The following CCDC78 variants were observed in gnomAD, a reference collection of about 807,000 sequenced individuals.
CCDC78 encodes coiled-coil domain containing 78, also known as coiled-coil domain-containing protein 78.
A neutral mutation model predicts 61.9 loss-of-function variants in CCDC78; 78 were observed. The observed-to-expected ratio is 1.26, with a 90% CI of 1.05 to 1.52. The LOEUF is 1.52. CCDC78 is among the 40% of genes most tolerant of loss of function. The pLI is 0.00. For missense variants in CCDC78, 737 were observed against 615.5 expected (o/e 1.20, Z -2.09); for synonymous variants, 287 against 251.9 (o/e 1.14, Z -1.32).
chr16:724,036 G>C, intron 10 of CCDC78, 70 bp downstream of exon 10: 1 of 1,559,240 alleles, frequency 6.4e-7, no homozygotes, highest in Non-Finnish European at 8.7e-7. Flanking sequence ...ATGAGGCCTG[G>C]GGCCAGTGTG....
At chr16:726,187 T>C (rs2151576985) in intron 1 of CCDC78, 102 bp from the exon 2 acceptor site, 1 of 1,550,228 alleles carries the variant, frequency 6.5e-7, no homozygotes, top group Non-Finnish European at 8.7e-7. Flanking sequence ...GGCTGAGCTG[T>C]AAAAGTCCCT....
In CCDC78 at chr16:722,612, G is replaced by T. The variant is rs2040302392; in HGVS notation, c.*66C>A. 1.3e-6 allele frequency: 2 copies of T among 1,588,492 alleles called. No homozygotes were observed. The highest frequency in any genetic ancestry group is 2.7e-5 in the African/African-American group (2 of 74,534). On this transcript the variant is annotated 3_prime_UTR_variant, in exon 14 of 14. Transcript: ENST00000345165. ...TCTATCCTGACTCATGTTTTATGGGGGGCTGGGTGGGAGGGTTCTGTGCTG... is the reference window on the plus strand; with the variant it reads ...TCTATCCTGACTCATGTTTTATGGGTGGCTGGGTGGGAGGGTTCTGTGCTG...
In CCDC78 at chr16:723,178, A is replaced by G; in HGVS notation, c.1134-17T>C. ...TCCAGGCCCCTGTGAGGGGAGAGGA[A>G]AGGAGGAGTGGTTTTGAGAGCTGGC... is the stretch of plus-strand genomic sequence containing the variant. On this transcript the variant is annotated splice_polypyrimidine_tract_variant and intron_variant, in intron 11 of 13. Transcript: ENST00000345165. The G allele has an allele frequency of 6.2e-7, 1 of 1,611,972 alleles. No homozygotes were observed. The highest frequency in any genetic ancestry group is 8.5e-7 in the Non-Finnish European group (1 of 1,179,726).
rs1006891646 is a variant in CCDC78, at chr16:726,086, C to T, written c.61-1G>A. The T allele has an allele frequency of 7.1e-6, 11 of 1,548,934 alleles. No individual in the cohort carries two copies. The highest frequency in any genetic ancestry group is 2.7e-5 in the African/African-American group (2 of 73,020). ...GCCAGTCCTTGGCTCGTAGCACAAC[C>T]TGGGGAGGTACCGCCACCCATTCCC... On this transcript the variant is annotated splice_acceptor_variant, in intron 1 of 13. Transcript: ENST00000345165. LOFTEE classifies it high-confidence loss of function.
intron 4 of CCDC78, 59 bp downstream of exon 4, chr16:725,354 C>T (rs1301307839): frequency 2.5e-6 from 4 of 1,611,416 alleles, no homozygotes; most frequent in Middle Eastern, 1.6e-4. Flanking sequence ...TCACTGAGGC[C>T]CCTGCTGAGG....
In CCDC78 at chr16:725,855, T is replaced by C; in HGVS notation, c.206A>G (p.Gln69Arg). ...LQISKELVDIQITTHHLHEQH... is the reference protein window; with the variant it reads ...LQISKELVDIRITTHHLHEQH... ...CTCATGTAGGTGGTGGGTTGTGATC[T>C]GAATGTCGACCAGCTCCTTGGAGAT... Residue 69 changes from glutamine to arginine, a missense_variant, in exon 3 of 14, where the codon CAG becomes CGG. Coordinates refer to ENST00000345165, the MANE Select transcript of CCDC78 (RefSeq NM_001378030.1). The C allele has an allele frequency of 6.2e-7, 1 of 1,611,444 alleles. No individual in the cohort carries two copies.
upstream of CCDC78, chr16:726,732 T>C (rs1483113436): frequency 2.5e-6 from 1 of 399,224 alleles, no homozygotes; most frequent in African/African-American, 2.1e-5. Context: ...CTGGACACCT[T>C]CTGTGTACCT....
upstream of CCDC78, chr16:726,603 C>G: frequency 1.7e-6 from 1 of 591,314 alleles, no homozygotes; most frequent in South Asian, 2.3e-5. Flanking sequence ...GCCCAGCGCC[C>G]CCTGCACATA....
At position 723,313 on chromosome 16, in the gene CCDC78, G is replaced by GT. The variant is rs1555484211; in HGVS notation, c.1134-153_1134-152insA. On this transcript the variant is annotated intron_variant, in intron 11 of 13. Transcript: ENST00000345165. ...TGGGCCCCCCCCGTGCTCCTGTGGC[G>GT]CCCCCCCCAGGCCTTGGAGCCATCC... 2.1e-4 allele frequency: 166 copies of GT among 804,294 alleles called. No individual in the cohort carries two copies. In the African/African-American group the frequency reaches 2.5e-3, roughly 12 times the overall value. 49.8% of individuals were successfully genotyped at this position (804,294 alleles called of 1,614,324 possible).
chr16:724,852 G>A (rs549481636), intron 7 of CCDC78, 46 bp from the exon 8 acceptor site: 43 of 1,607,744 alleles, frequency 2.7e-5, no homozygotes, highest in Non-Finnish European at 3.1e-5. Context: ...AGTGGACCCC[G>A]GCTGAGCTTC....
rs771582682 is a variant in CCDC78, at chr16:724,374, TGTG to T, written c.898_900del (p.His300del). 32 of 1,612,146 alleles carry T rather than the reference TGTG, an allele frequency of 2.0e-5. No homozygotes were observed. Among genetic ancestry groups the T allele is most frequent in the East Asian group, 1.1e-4 (5 of 44,890 alleles). ...CTGCGGCTCAGATCCACCAGCCTCT[TGTG>T]GTAGCTGCGGGCAGCCCGGGCCAGC... On this transcript the variant is annotated inframe_deletion, in exon 9 of 14. Transcript: ENST00000345165.
rs755503126 is a variant in CCDC78 at position 723,656 on chromosome 16, C to T, written c.1133+201G>A. The T allele has an allele frequency of 2.9e-5, 20 of 701,606 alleles. 2 individuals are homozygous for T. In the Middle Eastern group the frequency reaches 2.1e-3, roughly 72 times the overall value. The allele number at this position is 701,606 out of a possible 1,614,324, so 43.5% of individuals were successfully genotyped here. On this transcript the variant is annotated intron_variant, in intron 11 of 13. Coordinates refer to ENST00000345165, the MANE Select transcript of CCDC78 (RefSeq NM_001378030.1). The stretch of plus-strand genomic sequence containing the variant: ...CAAGGCCAGCTCCACCTGCAGCAGC[C>T]CCTCTTCTCTTTCCTGTGATTATCA...
intron 1 of CCDC78, 25 bp downstream of exon 1, chr16:726,283 G>A (rs2040932597): frequency 1.9e-6 from 3 of 1,549,342 alleles, no homozygotes; most frequent in East Asian, 2.4e-5. Flanking sequence ...CCCATGGCAG[G>A]AGCGGCAAGT....
intron 13 of CCDC78, 22 bp from the exon 14 acceptor site, chr16:722,811 A>T: frequency 1.2e-6 from 2 of 1,612,136 alleles, no homozygotes; most frequent in Non-Finnish European, 1.7e-6. Context: ...AACCATGCTT[A>T]AGTGACTTGC....
chr16:723,313 GC>G (rs548208034), intron 11 of CCDC78, 152 bp from the exon 12 acceptor site: 23 of 804,134 alleles, frequency 2.9e-5, no homozygotes, highest in Middle Eastern at 2.2e-4. Context: ...CTCCTGTGGC[GC>G]CCCCCCCAGG....
In CCDC78 at chr16:726,085, C is replaced by T. The variant is rs757617074; in HGVS notation, c.61G>A (p.Val21Ile). The T allele has an allele frequency of 3.9e-6, 6 of 1,548,914 alleles. No individual in the cohort carries two copies. In the African/African-American group the frequency reaches 5.5e-5, roughly 14 times the overall value. ...PGPPSRRVEN[V>I]VLRAKDWLPG... ...AGCCAGTCCTTGGCTCGTAGCACAA[C>T]CTGGGGAGGTACCGCCACCCATTCC... Residue 21 changes from valine to isoleucine, a missense_variant and splice_region_variant, in exon 2 of 14, where the codon GTT (valine) becomes ATT (isoleucine). Transcript: ENST00000345165.
chr16:723,785 G>T (rs995716577), intron 11 of CCDC78, 72 bp downstream of exon 11: 7 of 1,429,950 alleles, frequency 4.9e-6, no homozygotes, highest in Non-Finnish European at 5.8e-6. Context: ...GCAACTGGGG[G>T]CCCCAGGGTG....
chr16:723,894 G>C lies in CCDC78; in HGVS notation c.1096C>G (p.Pro366Ala). Reference sequence around the variant, plus strand: ...GTTCCCCCCTGGGAGGCTCCACCGGGTCTCTTTTTTGGGGATGAGAGCAGT... The same window carrying C: ...GTTCCCCCCTGGGAGGCTCCACCGGCTCTCTTTTTTGGGGATGAGAGCAGT... ...GALLSSPKKRPGGASQGGTSE... is the reference protein window; with the variant it reads ...GALLSSPKKRAGGASQGGTSE... Residue 366 changes from proline to alanine, a missense_variant, in exon 11 of 14, where the codon CCC (proline) becomes GCC (alanine). Transcript: ENST00000345165. 2 of 1,600,466 alleles carry C rather than the reference G, an allele frequency of 1.2e-6. No individual in the cohort carries two copies. Among genetic ancestry groups the C allele is most frequent in the Non-Finnish European group, 1.7e-6 (2 of 1,173,794 alleles).
chr16:723,117 C>T lies in CCDC78; in HGVS notation c.1178G>A (p.Arg393Gln), dbSNP rs376513788. 63 of 1,612,590 alleles carry T rather than the reference C, an allele frequency of 3.9e-5. No individual in the cohort carries two copies. In the South Asian group the frequency reaches 4.5e-4, roughly 12 times the overall value. The change falls in exon 12 of 14, where the codon CGG becomes CAG. Residue 393 changes from arginine (R) to glutamine (Q), a missense_variant. Coordinates refer to ENST00000345165, the MANE Select transcript of CCDC78 (RefSeq NM_001378030.1). ...ASWAQIHQKL[R>Q]DFSRSTQAEL... Reference sequence around the variant, plus strand: ...TACCTGGGTGCTGCGGGAGAAGTCCCGGAGCTTCTGGTGGATCTGGGCCCA... The same window carrying T: ...TACCTGGGTGCTGCGGGAGAAGTCCTGGAGCTTCTGGTGGATCTGGGCCCA...
Sources: gnomAD v4.1 joint callset for allele counts on GRCh38, gnomAD v4.1.1 for gene constraint, MANE v1.5 for transcripts, NCBI Gene and HGNC (gene_info 2026-07-23, HGNC 2026-07-21) for gene names.